Variants in GAL3ST4 observed in about 807,000 individuals in gnomAD.
The protein encoded by GAL3ST4 is galactose-3-O-sulfotransferase 4, also known as beta-galactose-3-O-sulfotransferase 4.
In GAL3ST4, 30 loss-of-function variants were observed where a neutral mutation model predicts 31.6. The ratio of observed to expected loss-of-function variants is 0.95; its 90% CI spans 0.71 to 1.29. The LOEUF is 1.29. Among genes scored for constraint, GAL3ST4 ranks in the 50% most tolerant of loss-of-function variants. The pLI, the probability that GAL3ST4 is intolerant of heterozygous loss-of-function variation, is 0.00. For synonymous variants in GAL3ST4, 248 were observed against 256.9 expected, an observed-to-expected ratio of 0.97 and a Z score of 0.33; for missense variants, 629 against 625.2, an observed-to-expected ratio of 1.01 and a Z score of -0.06.
chr7:100,160,298 T>C lies in GAL3ST4; in HGVS notation c.1091A>G (p.Asn364Ser). ...QLTARARAWN[N>S]LDWALYVHFN... is the part of the protein sequence containing the mutation. ...GTGGACATAGAGAGCCCAGTCCAGG[T>C]TGTTCCAGGCTCGGGCCCGTGCAGT... Residue 364 changes from asparagine to serine, a missense_variant, in exon 4 of 4, where the codon AAC becomes AGC. By Grantham distance (46) the Asn-to-Ser change is conservative (BLOSUM62 1). Transcript: ENST00000360039. 1 of 1,613,868 alleles carries C rather than the reference T, an allele frequency of 6.2e-7. No homozygotes were observed. The highest frequency in any genetic ancestry group is 8.5e-7 in the Non-Finnish European group (1 of 1,179,880).
Position 100,160,399 on chromosome 7 carries a change from G to T in GAL3ST4, c.990C>A (p.His330Gln). The change falls in exon 4 of 4, where the codon CAC becomes CAA. Residue 330 changes from histidine to glutamine, a missense_variant. His to Gln is a conservative substitution (Grantham distance 24). Transcript: ENST00000360039. ...WGLDDVVGFM[H>Q]NAQAGHKQGL... The stretch of plus-strand genomic sequence containing the variant: ...CCTGCTTATGTCCAGCCTGGGCATT[G>T]TGCATGAAGCCCACCACGTCATCTA... 1 of 1,614,068 alleles carries T rather than the reference G, an allele frequency of 6.2e-7. No homozygotes were observed. Among genetic ancestry groups the T allele is most frequent in the South Asian group, 1.1e-5 (1 of 91,084 alleles).
In GAL3ST4 at chr7:100,159,896, C is replaced by T. The variant is rs1798966991; in HGVS notation, c.*32G>A. On this transcript the variant is annotated 3_prime_UTR_variant, in exon 4 of 4. Coordinates refer to ENST00000360039, the MANE Select transcript of GAL3ST4 (RefSeq NM_024637.5). ...CATCACATGTGCCCTTCAAACATGG[C>T]TGCTCTTCCACCTAAATCTGTAGTC... 1 of 1,540,850 alleles carries T rather than the reference C, an allele frequency of 6.5e-7. No homozygotes were observed. Among genetic ancestry groups the T allele is most frequent in the East Asian group, 2.3e-5 (1 of 44,384 alleles).
At position 100,166,937 on chromosome 7, in the gene GAL3ST4, G is replaced by A. The variant is rs185312962; in HGVS notation, c.125+34C>T. ...GGATGGGGAAGAGCAAGTACGGGGC[G>A]TCTAGAAGGAGTTGGGGCAAAGTGG... On this transcript the variant is annotated intron_variant, in intron 2 of 3. Coordinates refer to ENST00000360039, the MANE Select transcript of GAL3ST4 (RefSeq NM_024637.5). 322 of 1,588,388 alleles carry A rather than the reference G, an allele frequency of 2.0e-4. No homozygotes were observed. In the African/African-American group the frequency reaches 3.1e-3, roughly 15 times the overall value.
chr7:100,163,431 G>A (rs1234011213), intron 3 of GAL3ST4, among the ~76,000 whole-genome samples: 1 of 151,238 alleles, frequency 6.6e-6, no homozygotes, highest in South Asian at 2.1e-4. Context: ...TTCCTCAATC[G>A]GCTCTGCAAG....
At position 100,168,329 on chromosome 7, in the gene GAL3ST4, G is replaced by T. The variant is rs1418535403; in HGVS notation, c.-189+217C>A. Among the ~76,000 whole-genome samples the T allele has an allele frequency of 6.6e-6, 1 of 152,118 alleles. No individual in the cohort carries two copies. On this transcript the variant is annotated intron_variant, in intron 1 of 3. Coordinates refer to ENST00000360039, the MANE Select transcript of GAL3ST4 (RefSeq NM_024637.5). This position sits in a 1 kb window ranked among gnomAD's most constrained non-coding sequence, Gnocchi z 4.1. ...CTCCCCAATTCCCTCCCTGATCACA[G>T]CCCCTGGGGTCTAGCCGCGTCTCCC... is the stretch of plus-strand genomic sequence containing the variant.
At chr7:100,162,597 G>A (rs1799017713) in intron 3 of GAL3ST4, among the ~76,000 whole-genome samples, 1 of 133,368 alleles carries the variant, frequency 7.5e-6, no homozygotes, top group African/African-American at 2.8e-5. Context: ...GGGAAGGGAA[G>A]AGGAGGGGAG....
At position 100,160,676 on chromosome 7, in the gene GAL3ST4, G is replaced by T. The variant is rs149033197; in HGVS notation, c.713C>A (p.Pro238Gln). The T allele has an allele frequency of 1.9e-5, 31 of 1,613,706 alleles. No homozygotes were observed. Among genetic ancestry groups the T allele is most frequent in the African/African-American group, 2.7e-5 (2 of 74,926 alleles). The change falls in exon 4 of 4, where the codon CCA becomes CAA. Residue 238 changes from proline (P) to glutamine (Q), a missense_variant. Transcript: ENST00000360039. ...ACCAGAAGGCAAGACCTGCAGCTGT[G>T]GGGGGTTGGGGTCTCTGGGGGGATG... Reference protein sequence around the residue: ...NIHPPRDPNPPQLQVLPSGAG... With the variant: ...NIHPPRDPNPQQLQVLPSGAG...
chr7:100,160,025 G>C lies in GAL3ST4; in HGVS notation c.1364C>G (p.Ala455Gly). 1 of 1,614,112 alleles carries C rather than the reference G, an allele frequency of 6.2e-7. No homozygotes were observed. Among genetic ancestry groups the C allele is most frequent in the Non-Finnish European group, 8.5e-7 (1 of 1,180,004 alleles). The change falls in exon 4 of 4, where the codon GCT becomes GGT. Residue 455 changes from alanine to glycine, a missense_variant. Transcript: ENST00000360039. ...GTCCTTGTACTGGAGCTCAGGGGTA[G>C]CTAGGCGCTCACATTCCTCTTGGTC... is the stretch of plus-strand genomic sequence containing the variant. ...PQDQEECERL[A>G]TPELQYKDKL...
chr7:100,166,510 G>T lies in GAL3ST4; in HGVS notation c.421C>A (p.Leu141Met), dbSNP rs777894947. The T allele has an allele frequency of 1.2e-6, 2 of 1,612,726 alleles. No homozygotes were observed. Among genetic ancestry groups the T allele is most frequent in the Non-Finnish European group, 1.7e-6 (2 of 1,179,166 alleles). Reference sequence around the variant, plus strand: ...ACTGCGACACTCCTTACCTCTTTCAGGTTGAACCTCATGTGGTGACAGAGG... The same window carrying T: ...ACTGCGACACTCCTTACCTCTTTCATGTTGAACCTCATGTGGTGACAGAGG... ...HILCHHMRFN[L>M]KEVLQVMPSD... The change falls in exon 3 of 4, where the codon CTG (leucine) becomes ATG (methionine). Residue 141 changes from leucine to methionine, a missense_variant. By Grantham distance (15) the Leu-to-Met change is conservative. Transcript: ENST00000360039.
Position 100,160,321 on chromosome 7 carries a change from A to C in GAL3ST4, c.1068T>G (p.Thr356=), listed in dbSNP as rs753037508. ...GGTTGTTCCAGGCTCGGGCCCGTGC[A>C]GTCAGCTGCCGGTCCTCCGCAGTCA... ...SGLTAEDRQL[T]ARARAWNNLD... Residue 356 remains threonine (T), a synonymous_variant, in exon 4 of 4, where the codon ACT becomes ACG. Transcript: ENST00000360039. The C allele has an allele frequency of 1.9e-5, 30 of 1,613,720 alleles. No homozygotes were observed. The highest frequency in any genetic ancestry group is 2.5e-5 in the Non-Finnish European group (30 of 1,179,940).
At position 100,159,796 on chromosome 7, in the gene GAL3ST4, A is replaced by G; in HGVS notation, c.*132T>C. ...GGGAAGCACTGCTGGGAGCCCAGCG[A>G]AGAGGGGGCTTGCATCGGGACAAAG... On this transcript the variant is annotated 3_prime_UTR_variant, in exon 4 of 4. Coordinates refer to ENST00000360039, the MANE Select transcript of GAL3ST4 (RefSeq NM_024637.5). 1.3e-6 allele frequency: 1 copy of G among 745,818 alleles called. No homozygotes were observed. Among genetic ancestry groups the G allele is most frequent in the South Asian group, 1.9e-5 (1 of 53,812 alleles). The allele number at this position is 745,818 out of a possible 1,614,324, so 46.2% of individuals were successfully genotyped here. A position where few individuals can be genotyped will look rare whatever the true frequency, so the allele number is the denominator to read the frequency against.
At chr7:100,161,303 T>G (rs1221493907) in intron 3 of GAL3ST4, among the ~76,000 whole-genome samples, 1 of 151,726 alleles carries the variant, frequency 6.6e-6, no homozygotes, top group East Asian at 1.9e-4. Flanking sequence ...TGAGCATTGC[T>G]ATGTTGCCGA....
chr7:100,165,930 G>T lies in GAL3ST4; in HGVS notation c.429+572C>A, dbSNP rs1207169470. Among the ~76,000 whole-genome samples, 3 of 151,352 alleles carry T rather than the reference G, an allele frequency of 2.0e-5. No individual in the cohort carries two copies. The East Asian group carries it at 5.9e-4, about 30-fold the overall frequency. ...AGGTGAGCAGATCACTTGAGCCCAG[G>T]ACTATTTATTTATTTATTTAAGCCC... is the stretch of plus-strand genomic sequence containing the variant. On this transcript the variant is annotated intron_variant, in intron 3 of 3. Transcript: ENST00000360039.
In GAL3ST4 at chr7:100,167,016, G is replaced by A. The variant is rs557607674; in HGVS notation, c.80C>T (p.Thr27Ile). The A allele has an allele frequency of 3.9e-5, 61 of 1,577,640 alleles. No individual in the cohort carries two copies. The highest frequency in any genetic ancestry group is 4.7e-5 in the Non-Finnish European group (55 of 1,161,900). Residue 27 changes from threonine (T) to isoleucine (I), a missense_variant, in exon 2 of 4, where the codon ACC becomes ATC. Transcript: ENST00000360039. ...CAAGAGCTGGAGTGCAAAGCCAATG[G>A]TCATGAAGACTCCCAGAGCCACCCC... ...SLGVALGVFMTIGFALQLLGG... is the reference protein window; with the variant it reads ...SLGVALGVFMIIGFALQLLGG...
chr7:100,160,984 G>T, intron 3 of GAL3ST4, 25 bp from the exon 4 acceptor site: 1 of 1,546,462 alleles, frequency 6.5e-7, no homozygotes, highest in Non-Finnish European at 8.7e-7. Context: ...AGACAGAAGA[G>T]AGAGAACTGG....
chr7:100,163,444 T>C (rs1799031914), intron 3 of GAL3ST4, among the ~76,000 whole-genome samples: 1 of 151,472 alleles, frequency 6.6e-6, no homozygotes, highest in Non-Finnish European at 1.5e-5. Flanking sequence ...TCTGCAAGTA[T>C]GGCACACCTG....
chr7:100,164,795 C>T (rs916332467), intron 3 of GAL3ST4, among the ~76,000 whole-genome samples: 1 of 152,154 alleles, frequency 6.6e-6, no homozygotes, highest in African/African-American at 2.4e-5. Context: ...GAAGAAGCCT[C>T]GACTTTGGAG....
chr7:100,165,067 G>T (rs1328774858), intron 3 of GAL3ST4, among the ~76,000 whole-genome samples: 1 of 151,882 alleles, frequency 6.6e-6, no homozygotes, highest in African/African-American at 2.4e-5. Flanking sequence ...GTAGAAACGG[G>T]GTTTCACTGT....
intron 3 of GAL3ST4, among the ~76,000 whole-genome samples, chr7:100,163,059 C>A (rs929588784): frequency 6.6e-6 from 1 of 152,108 alleles, no homozygotes; most frequent in Non-Finnish European, 1.5e-5. Context: ...TGGGAGGGGG[C>A]ATCACTGGCA....
Sources: gnomAD v4.1 joint callset for allele counts (sites outside exome capture counted in the v4.1 genomes callset) on GRCh38, gnomAD v4.1.1 for gene constraint, Gnocchi (gnomAD v3.1) non-coding constraint, MANE v1.5 for transcripts, NCBI Gene and HGNC (gene_info 2026-07-23, HGNC 2026-07-21) for gene names.